KCNMB2: variants seen among roughly 807,000 people sequenced by gnomAD.
The protein encoded by KCNMB2 is calcium-activated potassium channel subunit beta-2.
Under a neutral mutation model 24.5 loss-of-function variants are expected in KCNMB2, and 9 were observed. The observed-to-expected ratio is 0.37, with a 90% confidence interval of 0.22 to 0.64. KCNMB2 has a LOEUF of 0.64. KCNMB2 is among the 30% of genes least tolerant of loss of function. The pLI is 0.63. For synonymous variants in KCNMB2, 109 were observed against 104.4 expected (o/e 1.04, Z -0.27); for missense variants, 226 against 284.3 (o/e 0.79, Z 1.47).
chr3:178,593,682 G>A (rs1243478298), intron 1 of KCNMB2, among the ~76,000 whole-genome samples: 2 of 151,176 alleles, frequency 1.3e-5, no homozygotes, highest in African/African-American at 4.9e-5. Context: ...ATCACCTCCC[G>A]TCTCTATCTA....
chr3:178,660,856 A>G (rs1375217537), intron 1 of KCNMB2, among the ~76,000 whole-genome samples: 5 of 151,996 alleles, frequency 3.3e-5, no homozygotes, highest in African/African-American at 1.2e-4. Context: ...TTCTTCCTAC[A>G]TGGTGATCTA....
chr3:178,569,381 G>A (rs1716686822), intron 1 of KCNMB2, among the ~76,000 whole-genome samples: 2 of 152,186 alleles, frequency 1.3e-5, no homozygotes, highest in African/African-American at 4.8e-5. Context: ...CACATCTGCG[G>A]TGTAGAGGGG....
In KCNMB2 at chr3:178,654,112, C is replaced by T. The variant is rs1720234308; in HGVS notation, c.-68+117401C>T. 2.0e-5 allele frequency among the ~76,000 whole-genome samples: 3 copies of T among 152,202 alleles called. No homozygotes were observed. The South Asian group carries it at 6.2e-4, about 32-fold the overall frequency. ...GTTCCAGAAATTTGTCCATTTTATTCAAACTTATTGGCATGCAGTGTTTTA... is the reference window on the plus strand; with the variant it reads ...GTTCCAGAAATTTGTCCATTTTATTTAAACTTATTGGCATGCAGTGTTTTA... On this transcript the variant is annotated intron_variant, in intron 1 of 4. Transcript: ENST00000452583.
chr3:178,580,429 G>A (rs1377623703), intron 1 of KCNMB2, among the ~76,000 whole-genome samples: 2 of 152,126 alleles, frequency 1.3e-5, no homozygotes, highest in Non-Finnish European at 2.9e-5. Flanking sequence ...ATGGGCAAAA[G>A]CTGGAAGCAT....
chr3:178,772,275 T>C (rs1215883064), intron 1 of KCNMB2, among the ~76,000 whole-genome samples: 1 of 152,234 alleles, frequency 6.6e-6, no homozygotes, highest in African/African-American at 2.4e-5. Flanking sequence ...CAAATGTCTA[T>C]AATTTCATTT....
chr3:178,694,169 T>C (rs532933048), intron 1 of KCNMB2, among the ~76,000 whole-genome samples: 1 of 152,264 alleles, frequency 6.6e-6, no homozygotes, highest in South Asian at 2.1e-4. Flanking sequence ...GCAGGAAGAA[T>C]GAGTGGACAG....
At chr3:178,718,378 T>A (rs1247602827) in intron 1 of KCNMB2, among the ~76,000 whole-genome samples, 1 of 152,204 alleles carries the variant, frequency 6.6e-6, no homozygotes, top group East Asian at 1.9e-4. Context: ...TCTGTCTATC[T>A]CTGTATGTAT....
intron 1 of KCNMB2, among the ~76,000 whole-genome samples, chr3:178,612,815 T>C (rs1718540231): frequency 1.3e-5 from 2 of 152,182 alleles, no homozygotes; most frequent in Non-Finnish European, 2.9e-5. Context: ...CTCCTTTTCC[T>C]TCTTTCTTTT....
chr3:178,702,978 G>A (rs1722153555), intron 1 of KCNMB2, among the ~76,000 whole-genome samples: 1 of 152,158 alleles, frequency 6.6e-6, no homozygotes. Context: ...CCAAGGAAAG[G>A]TTGGGAGACA....
At chr3:178,837,529 T>A (rs888521439) in intron 4 of KCNMB2, among the ~76,000 whole-genome samples, 1 of 152,244 alleles carries the variant, frequency 6.6e-6, no homozygotes, top group Non-Finnish European at 1.5e-5. Context: ...AGTAGAATTT[T>A]CATTTTCAGG....
intron 1 of KCNMB2, among the ~76,000 whole-genome samples, chr3:178,798,546 A>G (rs1335194384): frequency 6.6e-6 from 1 of 152,198 alleles, no homozygotes; most frequent in African/African-American, 2.4e-5. Context: ...ATGCAGCCAT[A>G]AAAAGTAACA....
chr3:178,835,156 A>T (rs571390523), intron 4 of KCNMB2, among the ~76,000 whole-genome samples: 1 of 151,614 alleles, frequency 6.6e-6, no homozygotes, highest in East Asian at 2.0e-4. Flanking sequence ...AAGTGCCATA[A>T]TAGATATGAG....
rs73049730 is a variant in KCNMB2, at chr3:178,735,556, A to G, written c.-67-71787A>G. On this transcript the variant is annotated intron_variant, in intron 1 of 4. Coordinates refer to ENST00000452583, the MANE Select transcript of KCNMB2 (RefSeq NM_181361.3). ...ACCGAGTTCAAGTTCCAGCTCCTTC[A>G]CAACTCACTGTGCCATGACTTTTTC... Among the ~76,000 whole-genome samples, 547 of 152,318 alleles carry G rather than the reference A, an allele frequency of 3.6e-3. 4 individuals are homozygous for G. The highest frequency in any genetic ancestry group is 0.013 in the African/African-American group (521 of 41,582).
intron 1 of KCNMB2, among the ~76,000 whole-genome samples, chr3:178,713,636 C>G (rs527958424): frequency 6.6e-6 from 1 of 152,260 alleles, no homozygotes; most frequent in African/African-American, 2.4e-5. Flanking sequence ...CTTCACCCCA[C>G]CCCCATAGGT....
intron 1 of KCNMB2, among the ~76,000 whole-genome samples, chr3:178,737,593 C>A (rs1023408166): frequency 2.0e-4 from 31 of 152,168 alleles, no homozygotes; most frequent in African/African-American, 7.0e-4. Context: ...AAATAATTTC[C>A]AAGTGCTAGA....
chr3:178,737,087 T>C (rs1051020270), intron 1 of KCNMB2, among the ~76,000 whole-genome samples: 4 of 152,056 alleles, frequency 2.6e-5, no homozygotes, highest in African/African-American at 4.8e-5. Flanking sequence ...CCGCCCAACG[T>C]AGTGAAACCT....
At chr3:178,771,473 C>CTTTTTTTTTTTT (rs66694279) in intron 1 of KCNMB2, among the ~76,000 whole-genome samples, 13 of 87,532 alleles carry the variant, frequency 1.5e-4, no homozygotes, top group Non-Finnish European at 2.1e-4. Flanking sequence ...TTCTTTCTTT[C>CTTTTTTTTTTTT]TTTTTTTTTT....
At chr3:178,570,692 A>G (rs1171921055) in intron 1 of KCNMB2, among the ~76,000 whole-genome samples, 1 of 152,142 alleles carries the variant, frequency 6.6e-6, no homozygotes, top group Admixed American at 6.6e-5. Flanking sequence ...TGAAAAAAGG[A>G]GCAGAAGGCA....
intron 1 of KCNMB2, among the ~76,000 whole-genome samples, chr3:178,767,824 G>C (rs1712184383): frequency 6.6e-6 from 1 of 152,176 alleles, no homozygotes; most frequent in Admixed American, 6.5e-5. Context: ...TACAGCCCAA[G>C]GCTGAGGGTT....
Sources: allele counts gnomAD v4.1 joint callset (sites outside exome capture counted in the v4.1 genomes callset), GRCh38; gene constraint gnomAD v4.1.1; transcripts MANE v1.5; gene names NCBI Gene and HGNC (gene_info 2026-07-23, HGNC 2026-07-21).